CNTNAP2: variants seen among roughly 807,000 people sequenced by gnomAD.
CNTNAP2 encodes the protein contactin associated protein 2.
CNTNAP2 carries 98 observed loss-of-function variants against 155.2 expected under a neutral mutation model. The ratio of observed to expected loss-of-function variants is 0.63; its 90% CI spans 0.54 to 0.75. The LOEUF is 0.75. Ranked by LOEUF, CNTNAP2 falls within the 30% of genes least tolerant of loss-of-function variation. The pLI is 0.00. For synonymous variants in CNTNAP2, 651 were observed against 631.2 expected, an observed-to-expected ratio of 1.03 and a Z score of -0.47; for missense variants, 1,727 against 1,688.1, an observed-to-expected ratio of 1.02 and a Z score of -0.40.
chr7:148,147,393 A>AT (rs1277691403), intron 16 of CNTNAP2, 98 bp from the exon 17 acceptor site: 1 of 1,195,654 alleles, frequency 8.4e-7, no homozygotes, highest in Non-Finnish European at 1.2e-6. Context: ...GGCTTAGATG[A>AT]TTTTTCCTCT....
intron 3 of CNTNAP2, among the ~76,000 whole-genome samples, chr7:147,006,482 A>G (rs1798526638): frequency 6.6e-6 from 1 of 152,106 alleles, no homozygotes; most frequent in Non-Finnish European, 1.5e-5. Flanking sequence ...CCTTTAGCTC[A>G]AAATAATGCA....
chr7:147,964,574 G>GA (rs1427425308), intron 14 of CNTNAP2, among the ~76,000 whole-genome samples: 3 of 152,088 alleles, frequency 2.0e-5, no homozygotes, highest in South Asian at 2.1e-4. Flanking sequence ...TATTTATTCT[G>GA]AAAAAAATAA....
intron 1 of CNTNAP2, among the ~76,000 whole-genome samples, chr7:146,319,672 A>G (rs996831818): frequency 2.6e-5 from 4 of 152,188 alleles, no homozygotes; most frequent in African/African-American, 9.7e-5. Context: ...TGAATTGATT[A>G]TTCTGTTTGA....
At chr7:147,034,728 C>T (rs1799114480) in intron 3 of CNTNAP2, among the ~76,000 whole-genome samples, 1 of 151,986 alleles carries the variant, frequency 6.6e-6, no homozygotes, top group Non-Finnish European at 1.5e-5. Context: ...GGAAGCTGGT[C>T]CTCCCCTGGA....
intron 1 of CNTNAP2, among the ~76,000 whole-genome samples, chr7:146,479,481 TA>T (rs929537342): frequency 1.3e-5 from 2 of 152,182 alleles, no homozygotes; most frequent in African/African-American, 4.8e-5. Context: ...TTTATGAATT[TA>T]AAACAGTTGC....
intron 21 of CNTNAP2, among the ~76,000 whole-genome samples, chr7:148,338,563 G>A (rs1407217379): frequency 1.5e-5 from 2 of 134,012 alleles, no homozygotes; most frequent in Non-Finnish European, 3.5e-5. Context: ...GGGGGGTGAG[G>A]GGGGGGTGAG....
intron 2 of CNTNAP2, among the ~76,000 whole-genome samples, chr7:146,786,366 C>T (rs1802574572): frequency 6.6e-6 from 1 of 152,188 alleles, no homozygotes; most frequent in Non-Finnish European, 1.5e-5. Context: ...ACAGACCCTT[C>T]TCTTAATACC....
At chr7:146,821,573 C>G (rs1286375148) in intron 2 of CNTNAP2, among the ~76,000 whole-genome samples, 1 of 152,076 alleles carries the variant, frequency 6.6e-6, no homozygotes, top group African/African-American at 2.4e-5. Context: ...ACCTACTCAT[C>G]TGACAAAGGG....
At chr7:146,787,935 C>A (rs1322444493) in intron 2 of CNTNAP2, among the ~76,000 whole-genome samples, 2 of 152,138 alleles carry the variant, frequency 1.3e-5, no homozygotes, top group East Asian at 1.9e-4. Flanking sequence ...TTTAGCTAGA[C>A]ACAAAAGTTC....
intron 15 of CNTNAP2, among the ~76,000 whole-genome samples, chr7:148,097,601 C>A (rs543955500): frequency 6.6e-6 from 1 of 152,260 alleles, no homozygotes; most frequent in South Asian, 2.1e-4. Context: ...TCTCCTGCCT[C>A]AGCCTCCTGA....
At chr7:146,213,473 C>T (rs1381302219) in intron 1 of CNTNAP2, among the ~76,000 whole-genome samples, 1 of 152,160 alleles carries the variant, frequency 6.6e-6, no homozygotes, top group African/African-American at 2.4e-5. Flanking sequence ...CACTGAAAAT[C>T]AATCAAATGT....
intron 2 of CNTNAP2, among the ~76,000 whole-genome samples, chr7:146,789,700 G>A: frequency 6.6e-6 from 1 of 151,072 alleles, no homozygotes; most frequent in African/African-American, 2.4e-5. Context: ...TACCAGAAAA[G>A]AATTTAAATA....
intron 1 of CNTNAP2, among the ~76,000 whole-genome samples, chr7:146,577,088 T>C (rs1798536604): frequency 6.6e-6 from 1 of 152,172 alleles, no homozygotes; most frequent in Admixed American, 6.5e-5. Flanking sequence ...TGAATTAGAT[T>C]AGCCTAATAT....
At position 148,048,080 on chromosome 7, in the gene CNTNAP2, T is replaced by C. The variant is rs1033730227; in HGVS notation, c.2384-70038T>C. ...CTGGGACTACAGGTGCCTGCCACCATGCCCAGCTAATTTTTTTTTTTTTTT... is the reference window on the plus strand; with the variant it reads ...CTGGGACTACAGGTGCCTGCCACCACGCCCAGCTAATTTTTTTTTTTTTTT... On this transcript the variant is annotated intron_variant, in intron 15 of 23. Transcript: ENST00000361727. Among the ~76,000 whole-genome samples the C allele has an allele frequency of 1.5e-4, 23 of 149,128 alleles. 1 individual carries two copies. The highest frequency in any genetic ancestry group is 3.0e-5 in the Non-Finnish European group (2 of 67,116).
chr7:148,408,915 G>A (rs2116713656), intron 22 of CNTNAP2, among the ~76,000 whole-genome samples: 1 of 152,216 alleles, frequency 6.6e-6, no homozygotes. Context: ...GTGTGCCAGT[G>A]TCTTATTACA....
chr7:147,414,941 CAA>C (rs67048724), intron 10 of CNTNAP2, among the ~76,000 whole-genome samples: 32 of 50,948 alleles, frequency 6.3e-4, no homozygotes, highest in African/African-American at 2.0e-3. Context: ...GACTCCTTCT[CAA>C]AAAAAAAAAA....
intron 8 of CNTNAP2, among the ~76,000 whole-genome samples, chr7:147,184,871 G>A (rs1802532099): frequency 6.6e-6 from 1 of 152,150 alleles, no homozygotes; most frequent in African/African-American, 2.4e-5. Flanking sequence ...CAATGGAAAT[G>A]TAAAATGCTT....
chr7:146,414,123 C>G lies in CNTNAP2; in HGVS notation c.97+297150C>G, dbSNP rs189172619. On this transcript the variant is annotated intron_variant, in intron 1 of 23. Coordinates refer to ENST00000361727, the MANE Select transcript of CNTNAP2 (RefSeq NM_014141.6). ...GAAGCACAAGGGCAAACCTATGCAT[C>G]TATGTGTATATACACACGTTTCTAT... Among the ~76,000 whole-genome samples, 290 of 152,284 alleles carry G rather than the reference C, an allele frequency of 1.9e-3. 1 individual carries two copies. The highest frequency in any genetic ancestry group is 6.2e-3 in the African/African-American group (258 of 41,570).
intron 3 of CNTNAP2, among the ~76,000 whole-genome samples, chr7:146,917,679 G>A (rs966485036): frequency 1.3e-5 from 2 of 152,080 alleles, no homozygotes; most frequent in Non-Finnish European, 1.5e-5. Flanking sequence ...ATTGAATCAT[G>A]GGGTGGGTCT....
Sources: allele counts gnomAD v4.1 joint callset (sites outside exome capture counted in the v4.1 genomes callset), GRCh38; gene constraint gnomAD v4.1.1; transcripts MANE v1.5; gene names NCBI Gene and HGNC (gene_info 2026-07-23, HGNC 2026-07-21).